Variants in GLB1 observed in about 807,000 individuals in gnomAD.
The protein encoded by GLB1 is galactosidase beta 1.
Under a neutral mutation model 74.0 loss-of-function variants are expected in GLB1, and 56 were observed. The ratio of observed to expected loss-of-function variants is 0.76; its 90% confidence interval spans 0.61 to 0.94. The LOEUF is 0.94. Ranked by LOEUF, GLB1 falls within the 40% of genes least tolerant of loss-of-function variation. The probability of loss-of-function intolerance (pLI) is 0.00; values close to 1 mark genes in which losing one functional copy is unlikely to be tolerated. For synonymous variants in GLB1, 323 were observed against 323.6 expected (o/e 1.00, Z 0.02); for missense variants, 787 against 845.5 (o/e 0.93, Z 0.86).
chr3:33,031,239 G>C (rs1575428370), intron 10 of GLB1, among the ~76,000 whole-genome samples: 1 of 152,268 alleles, frequency 6.6e-6, no homozygotes, highest in African/African-American at 2.4e-5. Context: ...GAGGCAGGTA[G>C]AGCTATATAC....
At chr3:33,001,449 T>G (rs959007058) in intron 15 of GLB1, among the ~76,000 whole-genome samples, 1 of 152,126 alleles carries the variant, frequency 6.6e-6, no homozygotes, top group Non-Finnish European at 1.5e-5. Flanking sequence ...ACTACTCACC[T>G]CAGCCTGAAG....
chr3:33,002,558 A>G lies in GLB1; in HGVS notation c.1735-5214T>C, dbSNP rs113424394. 1.4e-3 allele frequency among the ~76,000 whole-genome samples: 218 copies of G among 152,192 alleles called. 1 individual carries two copies. The highest frequency in any genetic ancestry group is 4.9e-3 in the African/African-American group (203 of 41,522). On this transcript the variant is annotated intron_variant, in intron 15 of 15. Transcript: ENST00000307363. ...TATGCACGTGTTGTTGTTAGCCATC[A>G]TGGCCAGCTAACTTAAAAACTATTT...
intron 1 of GLB1, 115 bp downstream of exon 1, chr3:33,096,896 T>A: frequency 6.7e-7 from 1 of 1,501,464 alleles, no homozygotes; most frequent in South Asian, 1.3e-5. Flanking sequence ...TGGGGGGCAC[T>A]TCGGGGCTCA....
intron 15 of GLB1, among the ~76,000 whole-genome samples, chr3:33,001,152 CTCTCT>C (rs1282364070): frequency 2.0e-5 from 3 of 148,454 alleles, no homozygotes; most frequent in Non-Finnish European, 4.5e-5. Context: ...TTCTTCCTTT[CTCTCT>C]TCTCTTCTCC....
intron 1 of GLB1, chr3:33,096,773 C>T: frequency 3.0e-6 from 4 of 1,327,112 alleles, no homozygotes; most frequent in Non-Finnish European, 3.8e-6. Flanking sequence ...CAAAGGGCGG[C>T]CGGAGCGGAA....
At chr3:33,078,287 C>T (rs1328494399) in intron 1 of GLB1, among the ~76,000 whole-genome samples, 2 of 152,132 alleles carry the variant, frequency 1.3e-5, no homozygotes, top group African/African-American at 2.4e-5. Flanking sequence ...TCTGAAAACA[C>T]CTTTTCCCCA....
the GLB1 span, among the ~76,000 whole-genome samples, chr3:32,969,828 C>T: frequency 6.6e-6 from 1 of 152,200 alleles, no homozygotes; most frequent in African/African-American, 2.4e-5. Flanking sequence ...TGCTATTACT[C>T]GAGCCGTTTG....
the GLB1 span, among the ~76,000 whole-genome samples, chr3:32,973,632 C>T: frequency 1.3e-5 from 2 of 152,110 alleles, no homozygotes; most frequent in Admixed American, 6.5e-5. Context: ...AGGCATGAGC[C>T]ACCACGCCTG....
intron 1 of GLB1, chr3:33,096,548 T>C (rs1222032136): frequency 1.0e-6 from 1 of 984,398 alleles, no homozygotes; most frequent in African/African-American, 1.7e-5. Context: ...AATAACCCAA[T>C]GTTCCCACTG....
At chr3:33,010,388 T>C (rs75565576) in intron 15 of GLB1, among the ~76,000 whole-genome samples, 2,452 of 152,322 alleles carry the variant, frequency 0.016, 68 homozygotes, top group East Asian at 0.077. Flanking sequence ...ATAGACATTT[T>C]ACCAAAGAAG....
intron 10 of GLB1, among the ~76,000 whole-genome samples, chr3:33,036,358 T>C (rs942964860): frequency 2.0e-5 from 3 of 152,216 alleles, no homozygotes; most frequent in Admixed American, 1.3e-4. Context: ...AAAAATGTGC[T>C]GTTATAATGA....
intron 10 of GLB1, 48 bp from the exon 11 acceptor site, chr3:33,024,373 C>A: frequency 1.3e-6 from 2 of 1,555,430 alleles, no homozygotes; most frequent in Non-Finnish European, 1.7e-6. Context: ...AGTTGGTAAA[C>A]CTTCAGAAAC....
chr3:32,979,131 C>T, the GLB1 span, among the ~76,000 whole-genome samples: 1 of 151,970 alleles, frequency 6.6e-6, no homozygotes, highest in Non-Finnish European at 1.5e-5. Flanking sequence ...CATGTGCCAC[C>T]ATGCCCGGCT....
intron 10 of GLB1, among the ~76,000 whole-genome samples, chr3:33,026,166 G>A (rs925980782): frequency 6.6e-6 from 1 of 151,862 alleles, no homozygotes; most frequent in Non-Finnish European, 1.5e-5. Flanking sequence ...GCACTCTTGG[G>A]GATCCAGGAA....
At chr3:32,998,163 A>T (rs547276379) in intron 15 of GLB1, among the ~76,000 whole-genome samples, 1 of 152,350 alleles carries the variant, frequency 6.6e-6, no homozygotes, top group East Asian at 1.9e-4. Flanking sequence ...CTCCTAAAAA[A>T]CAGGGACCAT....
At chr3:32,977,309 G>A in the GLB1 span, among the ~76,000 whole-genome samples, 1 of 151,560 alleles carries the variant, frequency 6.6e-6, no homozygotes, top group East Asian at 1.9e-4. Context: ...AGGTTCAAGC[G>A]ATTCTCTTAC....
chr3:33,063,692 T>C (rs967400629), intron 5 of GLB1, among the ~76,000 whole-genome samples: 1 of 152,162 alleles, frequency 6.6e-6, no homozygotes, highest in African/African-American at 2.4e-5. Context: ...GGTTTGCACC[T>C]GAGGCCAGAA....
chr3:33,082,847 C>G (rs1700371823), intron 1 of GLB1, among the ~76,000 whole-genome samples: 1 of 152,042 alleles, frequency 6.6e-6, no homozygotes, highest in Non-Finnish European at 1.5e-5. Flanking sequence ...GTTATTTGAA[C>G]CAGGAGAGCA....
At chr3:32,977,227 G>A in the GLB1 span, among the ~76,000 whole-genome samples, 7 of 141,594 alleles carry the variant, frequency 4.9e-5, no homozygotes, top group Admixed American at 5.0e-4. Flanking sequence ...TTTTTTTTGA[G>A]ACAGAGTCTT....
Sources: gnomAD v4.1 joint callset for allele counts (sites outside exome capture counted in the v4.1 genomes callset) on GRCh38, gnomAD v4.1.1 for gene constraint, MANE v1.5 for transcripts, NCBI Gene and HGNC (gene_info 2026-07-23, HGNC 2026-07-21) for gene names.